Variants in ATRNL1 observed in about 807,000 individuals in gnomAD.
ATRNL1 encodes the protein attractin-like protein 1.
A neutral mutation model predicts 182.7 loss-of-function variants in ATRNL1; 95 were observed. That is an observed-to-expected ratio of 0.52 (90% CI 0.44 to 0.62). The LOEUF is 0.62. Among genes scored for constraint, ATRNL1 ranks in the 20% least tolerant of loss-of-function variants. The probability of loss-of-function intolerance (pLI) is 0.00; values close to 1 mark genes in which losing one functional copy is unlikely to be tolerated. For missense variants in ATRNL1, 1,471 were observed against 1,679.5 expected (o/e 0.88, Z 2.17); for synonymous variants, 576 against 568.3 (o/e 1.01, Z -0.19).
intron 24 of ATRNL1, among the ~76,000 whole-genome samples, chr10:115,494,968 G>T (rs79118233): frequency 1.3e-5 from 2 of 152,052 alleles, no homozygotes; most frequent in East Asian, 1.9e-4. Flanking sequence ...TCTGGTCTTG[G>T]GTTTTTTCTG....
intron 10 of ATRNL1, among the ~76,000 whole-genome samples, chr10:115,242,162 A>G (rs562320404): frequency 1.3e-5 from 2 of 152,144 alleles, no homozygotes; most frequent in African/African-American, 4.8e-5. Context: ...TATACTTACT[A>G]TATATAGGAA....
At chr10:115,407,633 T>C (rs1209007382) in intron 20 of ATRNL1, among the ~76,000 whole-genome samples, 1 of 152,236 alleles carries the variant, frequency 6.6e-6, no homozygotes, top group East Asian at 1.9e-4. Context: ...CATCTATTGA[T>C]GTACACTTAG....
rs748542805 is a variant in ATRNL1, at chr10:115,946,589, A to G, written c.*1810A>G. The G allele has an allele frequency of 2.7e-4, 41 of 152,140 alleles. No individual in the cohort carries two copies. The highest frequency in any genetic ancestry group is 2.0e-3 in the Admixed American group (30 of 15,276). 9.4% of individuals were successfully genotyped at this position (152,140 alleles called of 1,614,324 possible). A position where few individuals can be genotyped will look rare whatever the true frequency, so the allele number is the denominator to read the frequency against. ...TAGAGTAATTTTAGTAATTTTATCTATAATCTGTGGGGTTTTTTTGGAGGG... is the reference window on the plus strand; with the variant it reads ...TAGAGTAATTTTAGTAATTTTATCTGTAATCTGTGGGGTTTTTTTGGAGGG... On this transcript the variant is annotated 3_prime_UTR_variant, in exon 29 of 29. Coordinates refer to ENST00000355044, the MANE Select transcript of ATRNL1 (RefSeq NM_207303.4).
At chr10:115,299,782 A>G (rs184308013) in intron 15 of ATRNL1, among the ~76,000 whole-genome samples, 1 of 152,208 alleles carries the variant, frequency 6.6e-6, no homozygotes, top group Non-Finnish European at 1.5e-5. Context: ...ACTGAGGTTC[A>G]TGAAGGCTAA....
At chr10:115,556,868 G>A (rs1389009265) in intron 26 of ATRNL1, among the ~76,000 whole-genome samples, 1 of 150,826 alleles carries the variant, frequency 6.6e-6, no homozygotes, top group Non-Finnish European at 1.5e-5. Flanking sequence ...TCTTTAAAAT[G>A]TGTGTGTGCG....
chr10:115,102,023 A>T (rs1165758966), intron 1 of ATRNL1, among the ~76,000 whole-genome samples: 1 of 152,168 alleles, frequency 6.6e-6, no homozygotes, highest in Admixed American at 6.5e-5. Flanking sequence ...AGTTAGGTCA[A>T]CTTGGTTGAT....
At chr10:115,577,335 G>A (rs974833421) in intron 26 of ATRNL1, among the ~76,000 whole-genome samples, 2 of 151,752 alleles carry the variant, frequency 1.3e-5, no homozygotes, top group African/African-American at 2.4e-5. Context: ...TAGTTTGACA[G>A]TATTAATTCT....
intron 26 of ATRNL1, among the ~76,000 whole-genome samples, chr10:115,600,142 T>C (rs1856512030): frequency 6.6e-6 from 1 of 152,192 alleles, no homozygotes; most frequent in African/African-American, 2.4e-5. Context: ...TGTTGAGATA[T>C]ATCAGTAATT....
chr10:115,098,072 CTTT>C (rs1320840616), intron 1 of ATRNL1, among the ~76,000 whole-genome samples: 2 of 152,060 alleles, frequency 1.3e-5, no homozygotes, highest in African/African-American at 4.8e-5. Flanking sequence ...CCTAAGACTT[CTTT>C]ATTTCAAAGT....
chr10:115,368,947 C>T (rs1554947118), intron 19 of ATRNL1, among the ~76,000 whole-genome samples: 1 of 152,074 alleles, frequency 6.6e-6, no homozygotes, highest in Non-Finnish European at 1.5e-5. Flanking sequence ...CTCCTGACCT[C>T]AGGTGATCTG....
At chr10:115,870,193 A>G (rs1307694837) in intron 28 of ATRNL1, among the ~76,000 whole-genome samples, 2 of 152,174 alleles carry the variant, frequency 1.3e-5, no homozygotes, top group African/African-American at 4.8e-5. Flanking sequence ...TGAATATCAC[A>G]AAAAAGTAAA....
intron 19 of ATRNL1, among the ~76,000 whole-genome samples, chr10:115,337,491 TCTAA>T (rs1209181860): frequency 1.3e-5 from 2 of 152,120 alleles, no homozygotes; most frequent in African/African-American, 4.8e-5. Flanking sequence ...CCTCCAGCCC[TCTAA>T]CTATTGTTTT....
intron 28 of ATRNL1, among the ~76,000 whole-genome samples, chr10:115,869,110 T>G (rs113439167): frequency 6.6e-6 from 1 of 152,164 alleles, no homozygotes; most frequent in South Asian, 2.1e-4. Flanking sequence ...ATTACAGGCG[T>G]GAGCCACCGC....
At chr10:115,165,335 A>T (rs1554884113) in intron 6 of ATRNL1, among the ~76,000 whole-genome samples, 1 of 152,050 alleles carries the variant, frequency 6.6e-6, no homozygotes, top group Admixed American at 6.6e-5. Context: ...AAGTTAATGT[A>T]TATTATACAT....
intron 5 of ATRNL1, among the ~76,000 whole-genome samples, chr10:115,155,532 G>A (rs991468102): frequency 3.9e-5 from 6 of 152,024 alleles, no homozygotes; most frequent in African/African-American, 1.4e-4. Context: ...GTTTGCCCAA[G>A]GTTTCACAGC....
intron 25 of ATRNL1, among the ~76,000 whole-genome samples, chr10:115,531,005 A>G (rs1248476629): frequency 6.6e-6 from 1 of 151,804 alleles, no homozygotes; most frequent in Non-Finnish European, 1.5e-5. Flanking sequence ...TATGTGCCAC[A>G]TTTTCTTAAT....
intron 27 of ATRNL1, among the ~76,000 whole-genome samples, chr10:115,777,195 G>T (rs962224699): frequency 2.6e-5 from 4 of 152,076 alleles, no homozygotes; most frequent in Non-Finnish European, 5.9e-5. Context: ...TTGCATGCTT[G>T]AACATTTCTT....
intron 21 of ATRNL1, among the ~76,000 whole-genome samples, chr10:115,441,598 T>C (rs576701041): frequency 7.2e-4 from 110 of 152,136 alleles, no homozygotes; most frequent in African/African-American, 2.5e-3. Context: ...CCAAAACTTG[T>C]AGTTTTGATC....
chr10:115,597,311 AC>A (rs1247526312), intron 26 of ATRNL1, among the ~76,000 whole-genome samples: 1 of 152,164 alleles, frequency 6.6e-6, no homozygotes. Flanking sequence ...ATTCATAATT[AC>A]ACAAAATTAT....
Sources: allele counts gnomAD v4.1 joint callset (sites outside exome capture counted in the v4.1 genomes callset), GRCh38; gene constraint gnomAD v4.1.1; transcripts MANE v1.5; gene names NCBI Gene and HGNC (gene_info 2026-07-23, HGNC 2026-07-21).